PLA1A: variants seen among roughly 807,000 people sequenced by gnomAD.
PLA1A encodes phospholipase A1 member A, also known as phosphatidylserine-specific phospholipase A1alpha.
A neutral mutation model predicts 49.4 loss-of-function variants in PLA1A; 47 were observed. The ratio of observed to expected loss-of-function variants is 0.95; its 90% CI spans 0.75 to 1.21. PLA1A has a LOEUF of 1.21. Among genes scored for constraint, PLA1A ranks in the 50% most tolerant of loss-of-function variants. The probability of loss-of-function intolerance (pLI) is 0.00; values close to 1 mark genes in which losing one functional copy is unlikely to be tolerated. For missense variants in PLA1A, 561 were observed against 563.9 expected, an observed-to-expected ratio of 0.99 and a Z score of 0.05; for synonymous variants, 224 against 207.9, an observed-to-expected ratio of 1.08 and a Z score of -0.67.
At chr3:119,628,615 A>G in intron 9 of PLA1A, 86 bp from the exon 10 acceptor site, 2 of 1,284,686 alleles carry the variant, frequency 1.6e-6, no homozygotes, top group South Asian at 1.3e-5. Context: ...AACCAGTGCC[A>G]CCAGCAGAGC....
intron 10 of PLA1A, 45 bp from the exon 11 acceptor site, chr3:119,629,339 T>C: frequency 9.1e-7 from 1 of 1,094,728 alleles, no homozygotes; most frequent in Non-Finnish European, 1.4e-6. Context: ...TGCCAAGCCC[T>C]GTCTCCTCAC....
At chr3:119,608,700 A>G (rs2082726505) in intron 2 of PLA1A, 70 bp from the exon 3 acceptor site, 1 of 1,176,596 alleles carries the variant, frequency 8.5e-7, no homozygotes, top group Admixed American at 1.9e-5. Context: ...TGAGATTAAT[A>G]GAGGTTTCCA....
intron 2 of PLA1A, among the ~76,000 whole-genome samples, chr3:119,608,424 A>G (rs566149383): frequency 5.9e-5 from 9 of 152,356 alleles, no homozygotes; most frequent in East Asian, 1.9e-4. Flanking sequence ...GAGCAATGCA[A>G]TGTATACAGT....
intron 8 of PLA1A, 112 bp downstream of exon 8, chr3:119,619,764 A>ATTTGCTCCT (rs2082903444): frequency 9.0e-6 from 7 of 777,830 alleles, no homozygotes; most frequent in Admixed American, 4.1e-5. Context: ...GCATCACCGG[A>ATTTGCTCCT]GGTGTGGCAA....
chr3:119,607,294 G>A (rs1045398162), intron 2 of PLA1A, among the ~76,000 whole-genome samples: 4 of 152,084 alleles, frequency 2.6e-5, no homozygotes, highest in Admixed American at 6.6e-5. Context: ...TTCTTCCTTG[G>A]TTTTATGACC....
chr3:119,609,443 G>A (rs1443714364), intron 3 of PLA1A, 25 bp from the exon 4 acceptor site: 2 of 1,414,618 alleles, frequency 1.4e-6, no homozygotes, highest in Non-Finnish European at 2.0e-6. Flanking sequence ...GGCCCACGGG[G>A]AACTCACTGT....
At chr3:119,613,658 C>A (rs2082800537) in intron 5 of PLA1A, among the ~76,000 whole-genome samples, 1 of 152,206 alleles carries the variant, frequency 6.6e-6, no homozygotes, top group South Asian at 2.1e-4. Flanking sequence ...CTCTGGGAGG[C>A]CAAGGCAGGT....
At chr3:119,611,821 TC>T (rs964968116) in intron 4 of PLA1A, among the ~76,000 whole-genome samples, 2 of 152,206 alleles carry the variant, frequency 1.3e-5, no homozygotes, top group African/African-American at 4.8e-5. Flanking sequence ...CTTCCGCTTT[TC>T]CTATTTAGAT....
chr3:119,599,439 C>T (rs1225397773), intron 1 of PLA1A, among the ~76,000 whole-genome samples: 1 of 152,076 alleles, frequency 6.6e-6, no homozygotes, highest in Admixed American at 6.5e-5. Context: ...CCACTTTGTC[C>T]CTGCTCAGGA....
intron 8 of PLA1A, among the ~76,000 whole-genome samples, chr3:119,621,041 A>C (rs1267154432): frequency 6.6e-6 from 1 of 152,078 alleles, no homozygotes; most frequent in Non-Finnish European, 1.5e-5. Flanking sequence ...GCGCCACCCC[A>C]TCTGAGTTGG....
At chr3:119,625,554 G>A (rs1304815483) in intron 9 of PLA1A, among the ~76,000 whole-genome samples, 3 of 152,214 alleles carry the variant, frequency 2.0e-5, no homozygotes, top group Non-Finnish European at 4.4e-5. Flanking sequence ...GACAGTGCGG[G>A]TATCAGGGAT....
chr3:119,622,200 A>G (rs1466453729), intron 8 of PLA1A, among the ~76,000 whole-genome samples: 3 of 38,372 alleles, frequency 7.8e-5, no homozygotes, highest in Non-Finnish European at 1.6e-4. Context: ...AAGAAGAAGA[A>G]GAAGAAGAAG....
In PLA1A at chr3:119,629,613, G is replaced by A. The variant is rs1023050838; in HGVS notation, c.*145G>A. 5.0e-6 allele frequency: 3 copies of A among 601,472 alleles called. No homozygotes were observed. In the Admixed American group the frequency reaches 8.6e-5, roughly 17 times the overall value. 37.3% of individuals were successfully genotyped at this position (601,472 alleles called of 1,614,324 possible). The stretch of plus-strand genomic sequence containing the variant: ...CTCTTTCTTATTTTCCTCATAATCA[G>A]CTACCCTGGAGGGGAGGGAGAACTC... On this transcript the variant is annotated 3_prime_UTR_variant, in exon 11 of 11. Transcript: ENST00000273371.
chr3:119,618,290 C>A, intron 7 of PLA1A, 104 bp downstream of exon 7: 3 of 1,040,422 alleles, frequency 2.9e-6, no homozygotes, highest in East Asian at 2.5e-5. Flanking sequence ...AGAATTCTAT[C>A]CAATTTGGGA....
At chr3:119,614,391 CAGG>C (rs2082815227) in intron 5 of PLA1A, among the ~76,000 whole-genome samples, 3 of 151,984 alleles carry the variant, frequency 2.0e-5, no homozygotes, top group Admixed American at 2.0e-4. Flanking sequence ...ATCACAAGGT[CAGG>C]AGATCGAGAC....
intron 1 of PLA1A, among the ~76,000 whole-genome samples, chr3:119,604,764 G>A (rs1327606961): frequency 6.6e-6 from 1 of 152,174 alleles, no homozygotes; most frequent in Non-Finnish European, 1.5e-5. Flanking sequence ...AGCAATATGT[G>A]TCCATGAGGA....
At chr3:119,606,635 T>C in intron 1 of PLA1A, 139 bp from the exon 2 acceptor site, 1 of 619,786 alleles carries the variant, frequency 1.6e-6, no homozygotes, top group Non-Finnish European at 2.8e-6. Flanking sequence ...AAATGAGTGA[T>C]TATTGCACTA....
At chr3:119,604,899 A>T (rs1466624160) in intron 1 of PLA1A, among the ~76,000 whole-genome samples, 1 of 152,116 alleles carries the variant, frequency 6.6e-6, no homozygotes, top group Non-Finnish European at 1.5e-5. Context: ...TATTAAAATA[A>T]TTTTTGTTAT....
intron 1 of PLA1A, among the ~76,000 whole-genome samples, chr3:119,600,609 C>A (rs188483603): frequency 6.6e-6 from 1 of 152,326 alleles, no homozygotes; most frequent in African/African-American, 2.4e-5. Context: ...TTCAATAAGC[C>A]AAAAGCCTTG....
Sources: gnomAD v4.1 joint callset for allele counts (sites outside exome capture counted in the v4.1 genomes callset) on GRCh38, gnomAD v4.1.1 for gene constraint, MANE v1.5 for transcripts, NCBI Gene and HGNC (gene_info 2026-07-23, HGNC 2026-07-21) for gene names.